The following DCT variants were observed in gnomAD, a reference collection of about 807,000 sequenced individuals.
DCT encodes dopachrome tautomerase.
A neutral mutation model predicts 53.0 loss-of-function variants in DCT; 47 were observed. That is an observed-to-expected ratio of 0.89 (90% CI 0.70 to 1.13). The LOEUF (loss-of-function observed/expected upper bound fraction) is 1.13, where lower values mean the gene tolerates loss of function less well. DCT is among the 50% of genes most tolerant of loss of function. The probability of loss-of-function intolerance (pLI) is 0.00; values close to 1 mark genes in which losing one functional copy is unlikely to be tolerated. For synonymous variants in DCT, 244 were observed against 237.0 expected, an observed-to-expected ratio of 1.03 and a Z score of -0.27; for missense variants, 669 against 637.4, an observed-to-expected ratio of 1.05 and a Z score of -0.53.
chr13:94,525,088 C>A, the DCT span, among the ~76,000 whole-genome samples: 3 of 149,254 alleles, frequency 2.0e-5, no homozygotes, highest in Non-Finnish European at 4.4e-5. Context: ...GAGGCTCCAG[C>A]GCTGTGAAGT....
chr13:94,514,014 T>A, the DCT span, among the ~76,000 whole-genome samples: 717 of 102,830 alleles, frequency 7.0e-3, 1 homozygote, highest in African/African-American at 0.023. Context: ...AAAAAAAAGA[T>A]AGATACCTAT....
intron 1 of DCT, 118 bp downstream of exon 1, chr13:94,478,843 T>C: frequency 3.0e-6 from 3 of 999,602 alleles, no homozygotes; most frequent in Non-Finnish European, 4.4e-6. Flanking sequence ...AAAACCATCA[T>C]TGGTTTGCCT....
upstream of DCT, among the ~76,000 whole-genome samples, chr13:94,481,925 A>C (rs1594336621): frequency 6.6e-6 from 1 of 152,348 alleles, no homozygotes; most frequent in East Asian, 1.9e-4. Context: ...CACTTCAAGT[A>C]AAATCCGAGG....
intron 1 of DCT, among the ~76,000 whole-genome samples, chr13:94,478,130 T>C (rs898295869): frequency 6.6e-6 from 1 of 151,850 alleles, no homozygotes; most frequent in African/African-American, 2.4e-5. Flanking sequence ...CAAAAAGCCA[T>C]TGTTATCTAA....
chr13:94,480,508 C>T (rs1362772813), upstream of DCT, among the ~76,000 whole-genome samples: 1 of 152,162 alleles, frequency 6.6e-6, no homozygotes, highest in African/African-American at 2.4e-5. Flanking sequence ...CAGCTAGTTT[C>T]TAAGAATATA....
intron 6 of DCT, among the ~76,000 whole-genome samples, chr13:94,452,839 G>A (rs1056055026): frequency 6.6e-6 from 1 of 152,052 alleles, no homozygotes; most frequent in Admixed American, 6.6e-5. Context: ...AAGGCAAAGG[G>A]ACAGAGGGGT....
intron 6 of DCT, among the ~76,000 whole-genome samples, chr13:94,451,169 AC>A (rs1883058658): frequency 6.6e-6 from 1 of 152,154 alleles, no homozygotes; most frequent in African/African-American, 2.4e-5. Flanking sequence ...ATGTTATGCC[AC>A]TTAGGAGGTA....
intron 6 of DCT, among the ~76,000 whole-genome samples, chr13:94,455,059 C>T (rs753964599): frequency 2.6e-5 from 4 of 152,118 alleles, no homozygotes; most frequent in East Asian, 1.9e-4. Flanking sequence ...TGAGCTTCCA[C>T]CCTAAAGCAG....
intron 6 of DCT, among the ~76,000 whole-genome samples, chr13:94,445,030 CAG>C (rs1594274074): frequency 6.6e-6 from 1 of 152,320 alleles, no homozygotes. Context: ...ACAACCTGGA[CAG>C]AGTCAATATT....
intron 1 of DCT, among the ~76,000 whole-genome samples, chr13:94,469,457 G>C (rs1247881086): frequency 6.6e-6 from 1 of 152,170 alleles, no homozygotes; most frequent in Non-Finnish European, 1.5e-5. Flanking sequence ...TTTGGACACA[G>C]TTTTGGAAGG....
chr13:94,462,003 C>T lies in DCT; in HGVS notation c.1043+7G>A. On this transcript the variant is annotated splice_region_variant and intron_variant, in intron 5 of 7. Transcript: ENST00000377028. ...CAGGCAGGTCCAGCAGAGCTCAGAG[C>T]ACCCACCTGAAACTGAAGGTAGAGT... 6.2e-7 allele frequency: 1 copy of T among 1,612,020 alleles called. No homozygotes were observed.
At chr13:94,543,382 A>G in the DCT span, among the ~76,000 whole-genome samples, 1 of 152,178 alleles carries the variant, frequency 6.6e-6, no homozygotes, top group African/African-American at 2.4e-5. Flanking sequence ...AAAAGTGCCA[A>G]AAGTTGGCTA....
At chr13:94,484,041 G>GGC (rs1349867138), upstream of DCT, among the ~76,000 whole-genome samples, 3 of 152,178 alleles carry the variant, frequency 2.0e-5, no homozygotes, top group African/African-American at 7.2e-5. Flanking sequence ...ACCTCAAAAT[G>GGC]TTATTTGGCT....
In DCT at chr13:94,468,747, T is replaced by C. The variant is rs1187197307; in HGVS notation, c.594A>G (p.Leu198=). 1 of 1,612,096 alleles carries C rather than the reference T, an allele frequency of 6.2e-7. No individual in the cohort carries two copies. Among genetic ancestry groups the C allele is most frequent in the Non-Finnish European group, 8.5e-7 (1 of 1,178,744 alleles). ...CCTTCAGCCAAGGAAAAAACCCACC[T>C]AATAATGTATCTCTAACAGAATAAT... ...LHYYSVRDTL[L]GPGRPYRAID... Residue 198 remains leucine (L), a splice_region_variant and synonymous_variant, in exon 2 of 8, where the codon TTA becomes TTG. Transcript: ENST00000377028.
chr13:94,453,803 T>C (rs1883246800), intron 6 of DCT, among the ~76,000 whole-genome samples: 1 of 152,352 alleles, frequency 6.6e-6, no homozygotes, highest in East Asian at 1.9e-4. Context: ...CCTTCCACCA[T>C]GATCGTGAGG....
intron 6 of DCT, among the ~76,000 whole-genome samples, chr13:94,451,020 A>T (rs16949834): frequency 0.14 from 21,907 of 152,160 alleles, 1,890 homozygotes; most frequent in Non-Finnish European, 0.2. Flanking sequence ...GAATCCATTC[A>T]GGTGACATTT....
chr13:94,497,876 ATG>A, the DCT span, among the ~76,000 whole-genome samples: 35 of 151,492 alleles, frequency 2.3e-4, no homozygotes, highest in Admixed American at 1.4e-3. Flanking sequence ...GGTCACCTAT[ATG>A]TGTGTGTGTG....
the DCT span, among the ~76,000 whole-genome samples, chr13:94,507,906 C>G: frequency 1.3e-5 from 2 of 152,110 alleles, no homozygotes; most frequent in Admixed American, 6.5e-5. Context: ...AGTCTCTATC[C>G]TTCACTTCAT....
chr13:94,470,283 A>G (rs1297353374), intron 1 of DCT, among the ~76,000 whole-genome samples: 2 of 152,208 alleles, frequency 1.3e-5, no homozygotes, highest in African/African-American at 2.4e-5. Flanking sequence ...GATGTCAGGA[A>G]GTACAAACCA....
Sources: allele counts gnomAD v4.1 joint callset (sites outside exome capture counted in the v4.1 genomes callset), GRCh38; gene constraint gnomAD v4.1.1; transcripts MANE v1.5; gene names NCBI Gene and HGNC (gene_info 2026-07-23, HGNC 2026-07-21).